The following DAB2IP variants were observed in gnomAD, a reference collection of about 807,000 sequenced individuals.
The protein encoded by DAB2IP is DAB2 interacting protein, also known as disabled homolog 2-interacting protein.
DAB2IP carries 28 observed loss-of-function variants against 107.2 expected under a neutral mutation model. The observed-to-expected ratio is 0.26, with a 90% CI of 0.19 to 0.36. The LOEUF is 0.36. DAB2IP is among the 10% of genes least tolerant of loss of function. The probability of loss-of-function intolerance (pLI) is 1.00; values close to 1 mark genes in which losing one functional copy is unlikely to be tolerated. For synonymous variants in DAB2IP, 755 were observed against 706.4 expected (o/e 1.07, Z -1.09); for missense variants, 1,400 against 1,644.7 (o/e 0.85, Z 2.57).
chr9:121,625,419 T>A (rs956895405), intron 1 of DAB2IP, among the ~76,000 whole-genome samples: 38 of 151,966 alleles, frequency 2.5e-4, no homozygotes, highest in South Asian at 1.9e-3. Flanking sequence ...TTTTTTTTTT[T>A]AAATTTTAAT....
rs1217451745 is a variant in DAB2IP at position 121,634,954 on chromosome 9, G to C, written c.41-43724G>C. On this transcript the variant is annotated intron_variant, in intron 1 of 16. Coordinates refer to the DAB2IP transcript ENST00000259371. The surrounding 1 kb of genome is among the most constrained non-coding windows in gnomAD (Gnocchi z 4.7). ...AGAACAGCCAACACCAGGCAGGTTT[G>C]ATGCCTGATACCATGGGGCCCTGTG... Among the ~76,000 whole-genome samples, 2 of 152,198 alleles carry C rather than the reference G, an allele frequency of 1.3e-5. No homozygotes were observed. The highest frequency in any genetic ancestry group is 2.4e-5 in the African/African-American group (1 of 41,452).
At chr9:121,734,249 C>A (rs1261219558) in intron 3 of DAB2IP, among the ~76,000 whole-genome samples, 1 of 149,266 alleles carries the variant, frequency 6.7e-6, no homozygotes, top group African/African-American at 2.6e-5. Flanking sequence ...CGGTGGCGGG[C>A]GCCTGTAGTC....
chr9:121,688,352 C>A (rs1420829991), intron 2 of DAB2IP, among the ~76,000 whole-genome samples: 2 of 152,208 alleles, frequency 1.3e-5, no homozygotes, highest in African/African-American at 4.8e-5. Context: ...GGATGAGTAA[C>A]TTCTCCTGTG....
intron 6 of DAB2IP, 136 bp from the exon 7 acceptor site, chr9:121,763,369 T>G (rs1834035351): frequency 1.2e-5 from 15 of 1,277,216 alleles, no homozygotes; most frequent in Non-Finnish European, 1.6e-5. Context: ...GGCACACTGT[T>G]CCTCTCCGGG....
intron 12 of DAB2IP, 56 bp downstream of exon 12, chr9:121,773,551 C>T (rs1260060783): frequency 1.1e-5 from 16 of 1,391,568 alleles, no homozygotes; most frequent in African/African-American, 3.0e-5. Context: ...CTGGGGCTGT[C>T]ATACCCCATA....
intron 1 of DAB2IP, among the ~76,000 whole-genome samples, chr9:121,659,589 C>T (rs1056988870): frequency 2.6e-5 from 4 of 152,152 alleles, no homozygotes; most frequent in South Asian, 2.1e-4. Flanking sequence ...GTCAGGAGAT[C>T]GAGACCATCC....
At chr9:121,774,164 A>T (rs557459356) in intron 12 of DAB2IP, 96 bp from the exon 13 acceptor site, 1 of 1,348,930 alleles carries the variant, frequency 7.4e-7, no homozygotes, top group African/African-American at 1.5e-5. Flanking sequence ...ACCGTGTCCC[A>T]GAGTTGCTTG....
chr9:121,700,167 C>T (rs1187230569), intron 3 of DAB2IP, among the ~76,000 whole-genome samples: 2 of 152,230 alleles, frequency 1.3e-5, no homozygotes, highest in Admixed American at 1.3e-4. Context: ...GTTTCCTTCT[C>T]CTGGGCCAGC....
At chr9:121,771,194 C>T (rs1211095969) in intron 11 of DAB2IP, among the ~76,000 whole-genome samples, 1 of 152,154 alleles carries the variant, frequency 6.6e-6, no homozygotes, top group Non-Finnish European at 1.5e-5. Flanking sequence ...CTGGGAACAG[C>T]AGAAAACATA....
chr9:121,698,907 C>T lies in DAB2IP; in HGVS notation c.229-418C>T, dbSNP rs1425766722. Among the ~76,000 whole-genome samples the T allele has an allele frequency of 6.6e-6, 1 of 152,052 alleles. No homozygotes were observed. The highest frequency in any genetic ancestry group is 1.5e-5 in the Non-Finnish European group (1 of 67,958). ...TGACCTCGCACGGGGAGGACAAGCT[C>T]GGAGGCGGCAGGGAGGTGAGCGGGG... On this transcript the variant is annotated intron_variant, in intron 2 of 15. Coordinates refer to ENST00000408936, the Ensembl canonical transcript of DAB2IP. The surrounding 1 kb of genome is among the most constrained non-coding windows in gnomAD (Gnocchi z 4.1).
At chr9:121,651,577 G>C, upstream of DAB2IP, 1 of 892,330 alleles carries the variant, frequency 1.1e-6, no homozygotes, top group Non-Finnish European at 1.4e-6. This position sits in a 1 kb window ranked among gnomAD's most constrained non-coding sequence, Gnocchi z 5.1. Context: ...AGCCCCCGCC[G>C]CGGGGCCGGC....
intron 1 of DAB2IP, among the ~76,000 whole-genome samples, chr9:121,675,626 G>A (rs1833871751): frequency 6.6e-6 from 1 of 152,314 alleles, no homozygotes; most frequent in Admixed American, 6.5e-5. Flanking sequence ...GGGACTTAAG[G>A]CTGAAGGAGC....
intron 2 of DAB2IP, among the ~76,000 whole-genome samples, chr9:121,683,642 A>G (rs909213261): frequency 2.6e-5 from 4 of 152,236 alleles, no homozygotes; most frequent in Admixed American, 2.0e-4. Context: ...TGGGTTGATT[A>G]TGGATGCTTC....
chr9:121,710,994 C>G (rs1163469435), intron 3 of DAB2IP, among the ~76,000 whole-genome samples: 1 of 152,188 alleles, frequency 6.6e-6, no homozygotes, highest in Non-Finnish European at 1.5e-5. Flanking sequence ...GCCCTAGGAT[C>G]ATAAAGTCCA....
At chr9:121,757,235 A>T (rs1833563136) in intron 4 of DAB2IP, 69 bp downstream of exon 4, 1 of 1,560,676 alleles carries the variant, frequency 6.4e-7, no homozygotes. Context: ...TCCTCCAGAC[A>T]TCCTCCTGGA....
exon 16 of DAB2IP, chr9:121,783,743 C>T (rs747490103): frequency 2.2e-5 from 16 of 732,216 alleles, no homozygotes; most frequent in Non-Finnish European, 3.2e-5. Flanking sequence ...CCAGGCGCTG[C>T]ATACAGGGGA....
intron 2 of DAB2IP, among the ~76,000 whole-genome samples, chr9:121,695,204 C>T (rs1829361169): frequency 6.6e-6 from 1 of 152,174 alleles, no homozygotes; most frequent in African/African-American, 2.4e-5. Flanking sequence ...GCTCCAGAAT[C>T]ATTTTGCAAG....
intron 3 of DAB2IP, among the ~76,000 whole-genome samples, chr9:121,700,965 G>A (rs1829743848): frequency 6.6e-6 from 1 of 152,182 alleles, no homozygotes. Context: ...TCCCATCTTT[G>A]TTATTGTCTG....
intron 3 of DAB2IP, among the ~76,000 whole-genome samples, chr9:121,747,036 T>A (rs932981040): frequency 1.3e-5 from 2 of 152,058 alleles, no homozygotes; most frequent in African/African-American, 2.4e-5. Flanking sequence ...GGGAGGGCAG[T>A]GGGCTAGCAT....
Sources: gnomAD v4.1 joint callset for allele counts (sites outside exome capture counted in the v4.1 genomes callset) on GRCh38, gnomAD v4.1.1 for gene constraint, Gnocchi (gnomAD v3.1) non-coding constraint, MANE v1.5 for transcripts, NCBI Gene and HGNC (gene_info 2026-07-23, HGNC 2026-07-21) for gene names.